OR52N1: variants seen among roughly 807,000 people sequenced by gnomAD.
OR52N1 encodes the protein olfactory receptor 52N1.
A neutral mutation model predicts 13.9 loss-of-function variants in OR52N1; 11 were observed. The observed-to-expected ratio is 0.79, with a 90% CI of 0.50 to 1.31. OR52N1 has a LOEUF of 1.31. Among genes scored for constraint, OR52N1 ranks in the 40% most tolerant of loss-of-function variants. The pLI is 0.00. For synonymous variants in OR52N1, 142 were observed against 143.7 expected (o/e 0.99, Z 0.08); for missense variants, 414 against 397.7 (o/e 1.04, Z -0.35).
In OR52N1 at chr11:5,788,083, G is replaced by T; in HGVS notation, c.734C>A (p.Ala245Asp). The T allele has an allele frequency of 6.2e-7, 1 of 1,613,808 alleles. No homozygotes were observed. The highest frequency in any genetic ancestry group is 8.5e-7 in the Non-Finnish European group (1 of 1,179,778). The change falls in exon 2 of 2, where the codon GCC becomes GAC. Residue 245 changes from alanine to aspartate, a missense_variant. Coordinates refer to ENST00000641645, the MANE Select transcript of OR52N1 (RefSeq NM_001001913.2). ...GGTGAGGACTATGGCACAGAAGTGG[G>T]CAGTGCAGGTGCTGAAGGCCTTCTG... ...ARQKAFSTCT[A>D]HFCAIVLTYV...
chr11:5,788,425 G>C lies in OR52N1; in HGVS notation c.392C>G (p.Pro131Arg), dbSNP rs199876263. Residue 131 changes from proline to arginine, a missense_variant, in exon 2 of 2, where the codon CCT becomes CGT. Transcript: ENST00000641645. Reference sequence around the variant, plus strand: ...AGTGAGGATGGTGGCATAACGCAGAGGGAAGCAGATGGCCACACAGTGGTC... The same window carrying C: ...AGTGAGGATGGTGGCATAACGCAGACGGAAGCAGATGGCCACACAGTGGTC... ...ALDHCVAICF[P>R]LRYATILTNS... 1.0e-4 allele frequency: 163 copies of C among 1,614,066 alleles called. 1 individual carries two copies. The Middle Eastern group carries it at 1.2e-3, about 11-fold the overall frequency.
intron 1 of OR52N1, among the ~76,000 whole-genome samples, chr11:5,789,465 C>T (rs969342342): frequency 1.1e-4 from 17 of 152,108 alleles, no homozygotes; most frequent in South Asian, 4.2e-4. Flanking sequence ...CAGCAAAAGA[C>T]CACTTGTTTT....
chr11:5,787,821 C>A lies in OR52N1; in HGVS notation c.*33G>T. On this transcript the variant is annotated 3_prime_UTR_variant, in exon 2 of 2. Transcript: ENST00000641645. Reference sequence around the variant, plus strand: ...TCCCTATTGACTTGGTGATCTCAACCTGGCTAAGAAAATTCTAACATCTCA... The same window carrying A: ...TCCCTATTGACTTGGTGATCTCAACATGGCTAAGAAAATTCTAACATCTCA... 7.0e-7 allele frequency: 1 copy of A among 1,438,796 alleles called. No homozygotes were observed. Among genetic ancestry groups the A allele is most frequent in the Non-Finnish European group, 9.3e-7 (1 of 1,074,380 alleles). 89.1% of individuals were successfully genotyped at this position (1,438,796 alleles called of 1,614,324 possible). A position where few individuals can be genotyped will look rare whatever the true frequency, so the allele number is the denominator to read the frequency against.
At position 5,787,258 on chromosome 11, in the gene OR52N1, G is replaced by T; in HGVS notation, c.*596C>A. The stretch of plus-strand genomic sequence containing the variant: ...TTTCACCTAATACTATATTTGAATA[G>T]ACCACAATTATTTATTTATGTTGTC... On this transcript the variant is annotated 3_prime_UTR_variant, in exon 2 of 2. Transcript: ENST00000641645. 1 of 140,560 alleles carries T rather than the reference G, an allele frequency of 7.1e-6. No homozygotes were observed. The highest frequency in any genetic ancestry group is 2.3e-4 in the South Asian group (1 of 4,342). The allele number at this position is 140,560 out of a possible 1,614,324, so 8.7% of individuals were successfully genotyped here. A position where few individuals can be genotyped will look rare whatever the true frequency, so the allele number is the denominator to read the frequency against.
At chr11:5,788,974 T>C (rs1471570585) in intron 1 of OR52N1, 114 bp from the exon 2 acceptor site, 19 of 769,428 alleles carry the variant, frequency 2.5e-5, no homozygotes, top group East Asian at 2.2e-4. Context: ...ATTTGTTCTA[T>C]TATGTTTAAT....
rs1212794980 is a variant in OR52N1, at chr11:5,787,086, AGGTCAAGAACTAATCAAC to A, written c.*750_*767del. On this transcript the variant is annotated 3_prime_UTR_variant, in exon 2 of 2. Transcript: ENST00000641645. ...TTGATACACCCTGCAACTACCATCC[AGGTCAAGAACTAATCAAC>A]GGTGGTACCTCAGAAGCATCCCCCT... The A allele has an allele frequency of 7.1e-6, 1 of 140,026 alleles. No individual in the cohort carries two copies. The highest frequency in any genetic ancestry group is 1.6e-5 in the Non-Finnish European group (1 of 63,416). The allele number at this position is 140,026 out of a possible 1,614,324, so 8.7% of individuals were successfully genotyped here. A position where few individuals can be genotyped will look rare whatever the true frequency, so the allele number is the denominator to read the frequency against.
At position 5,788,692 on chromosome 11, in the gene OR52N1, G is replaced by C. The variant is rs773268875; in HGVS notation, c.125C>G (p.Thr42Arg). The C allele has an allele frequency of 1.2e-6, 2 of 1,613,938 alleles. No homozygotes were observed. The highest frequency in any genetic ancestry group is 2.2e-5 in the East Asian group (1 of 44,830). ...PLCTMYSIAI[T>R]GNFGLMYLIY... Reference sequence around the variant, plus strand: ...GAGGTACATAAGGCCGAAGTTCCCTGTAATAGCAATGCTGTACATGGTACA... The same window carrying C: ...GAGGTACATAAGGCCGAAGTTCCCTCTAATAGCAATGCTGTACATGGTACA... Residue 42 changes from threonine (T) to arginine (R), a missense_variant, in exon 2 of 2, where the codon ACA (threonine) becomes AGA (arginine). Thr to Arg is a moderately conservative substitution (Grantham distance 71). Coordinates refer to ENST00000641645, the MANE Select transcript of OR52N1 (RefSeq NM_001001913.2).
In OR52N1 at chr11:5,787,932, A is replaced by G; in HGVS notation, c.885T>C (p.Tyr295=). The change falls in exon 2 of 2, where the codon TAT becomes TAC. Residue 295 remains tyrosine, a synonymous_variant. Coordinates refer to ENST00000641645, the MANE Select transcript of OR52N1 (RefSeq NM_001001913.2). The part of the protein sequence containing the change: ...LMPPTMNPIV[Y]GVKTRQVRES... ...CTCGTACCTGCCTGGTTTTCACCCC[A>G]TACACAATAGGGTTCATTGTGGGAG... The G allele has an allele frequency of 6.6e-7, 1 of 1,518,658 alleles. No individual in the cohort carries two copies. Among genetic ancestry groups the G allele is most frequent in the African/African-American group, 1.4e-5 (1 of 70,182 alleles). 94.1% of individuals were successfully genotyped at this position (1,518,658 alleles called of 1,614,324 possible).
In OR52N1 at chr11:5,788,042, A is replaced by T. The variant is rs749016262; in HGVS notation, c.775T>A (p.Phe259Ile). The T allele has an allele frequency of 2.2e-5, 24 of 1,113,712 alleles. 5 individuals are homozygous for T. The South Asian group carries it at 3.6e-4, about 17-fold the overall frequency. 69.0% of individuals were successfully genotyped at this position (1,113,712 alleles called of 1,614,324 possible). A position where few individuals can be genotyped will look rare whatever the true frequency, so the allele number is the denominator to read the frequency against. The change falls in exon 2 of 2, where the codon TTT (phenylalanine) becomes ATT (isoleucine). Residue 259 changes from phenylalanine to isoleucine, a missense_variant. By Grantham distance (21) the Phe-to-Ile change is conservative. Transcript: ENST00000641645. Reference sequence around the variant, plus strand: ...CCAAAATGGTGTGTAAAGAAGGTAAAGAAGGCTGGAACATAGGTGAGGACT... The same window carrying T: ...CCAAAATGGTGTGTAAAGAAGGTAATGAAGGCTGGAACATAGGTGAGGACT... ...AIVLTYVPAFFTFFTHHFGGH... is the reference protein window; with the variant it reads ...AIVLTYVPAFITFFTHHFGGH...
At position 5,788,321 on chromosome 11, in the gene OR52N1, T is replaced by C; in HGVS notation, c.496A>G (p.Lys166Glu). The C allele has an allele frequency of 1.2e-6, 2 of 1,613,868 alleles. No individual in the cohort carries two copies. Among genetic ancestry groups the C allele is most frequent in the Non-Finnish European group, 1.7e-6 (2 of 1,179,952 alleles). ...MLVIPSTFLTKRLPYCKGNVI... is the reference protein window; with the variant it reads ...MLVIPSTFLTERLPYCKGNVI... The stretch of plus-strand genomic sequence containing the variant: ...TTGCCCTTGCAGTATGGAAGGCGCT[T>C]GGTGAGGAAAGTGGAAGGGATAACA... Residue 166 changes from lysine to glutamate, a missense_variant, in exon 2 of 2, where the codon AAG (lysine) becomes GAG (glutamate). Physicochemically the swap from Lys to Glu is moderately conservative, Grantham distance 56 (BLOSUM62 1). Coordinates refer to ENST00000641645, the MANE Select transcript of OR52N1 (RefSeq NM_001001913.2).
In OR52N1 at chr11:5,788,022, A is replaced by G; in HGVS notation, c.795T>C (p.His265=). Residue 265 remains histidine (H), a synonymous_variant, in exon 2 of 2, where the codon CAT becomes CAC. Coordinates refer to ENST00000641645, the MANE Select transcript of OR52N1 (RefSeq NM_001001913.2). ...GTAGAGGAATGGTGTGTCCCCCAAA[A>G]TGGTGTGTAAAGAAGGTAAAGAAGG... The part of the protein sequence containing the change: ...VPAFFTFFTH[H]FGGHTIPLHI... The G allele has an allele frequency of 6.4e-7, 1 of 1,554,554 alleles. No homozygotes were observed. The highest frequency in any genetic ancestry group is 8.8e-7 in the Non-Finnish European group (1 of 1,131,926).
Position 5,786,799 on chromosome 11 carries a change from G to A in OR52N1, c.*1055C>T. 2 of 138,714 alleles carry A rather than the reference G, an allele frequency of 1.4e-5. 1 individual carries two copies. The highest frequency in any genetic ancestry group is 4.2e-4 in the East Asian group (2 of 4,804). 8.6% of individuals were successfully genotyped at this position (138,714 alleles called of 1,614,324 possible). A position where few individuals can be genotyped will look rare whatever the true frequency, so the allele number is the denominator to read the frequency against. ...AGTTTAATTTTTTTATGATGATGTT[G>A]TCTTTGTTGTTTTATTATGATTTGT... is the stretch of plus-strand genomic sequence containing the variant. On this transcript the variant is annotated 3_prime_UTR_variant, in exon 2 of 2. Coordinates refer to ENST00000641645, the MANE Select transcript of OR52N1 (RefSeq NM_001001913.2).
Position 5,787,961 on chromosome 11 carries a change from T to C in OR52N1, c.856A>G (p.Met286Val), listed in dbSNP as rs1481029486. The C allele has an allele frequency of 6.5e-7, 1 of 1,531,626 alleles. No individual in the cohort carries two copies. The highest frequency in any genetic ancestry group is 1.1e-5 in the South Asian group (1 of 87,886). The allele number at this position is 1,531,626 out of a possible 1,614,324, so 94.9% of individuals were successfully genotyped here. ...HIIMANLYLLMPPTMNPIVYG... is the reference protein window; with the variant it reads ...HIIMANLYLLVPPTMNPIVYG... ...ACAATAGGGTTCATTGTGGGAGGCA[T>C]TAGTAGGTAGAGATTAGCCATAATA... Residue 286 changes from methionine to valine, a missense_variant, in exon 2 of 2, where the codon ATG becomes GTG. Met to Val is a conservative substitution (Grantham distance 21, BLOSUM62 1). Transcript: ENST00000641645.
intron 1 of OR52N1, among the ~76,000 whole-genome samples, chr11:5,790,224 T>C (rs1229313215): frequency 6.6e-6 from 1 of 152,092 alleles, no homozygotes; most frequent in Non-Finnish European, 1.5e-5. Context: ...TTTTATAAAA[T>C]TTTTATGTCC....
chr11:5,790,756 G>T (rs1005236781), intron 1 of OR52N1, among the ~76,000 whole-genome samples: 1 of 152,086 alleles, frequency 6.6e-6, no homozygotes, highest in African/African-American at 2.4e-5. Context: ...TCTGAGATGT[G>T]TCTGTTCATA....
rs796900813 is a variant in OR52N1, at chr11:5,789,074, A to ATCTGGGG, written c.-44-221_-44-215dup. On this transcript the variant is annotated intron_variant, in intron 1 of 1. Transcript: ENST00000641645. ...CTAGTCAGTACATTTGGACCTGAAT[A>ATCTGGGG]TCTGGGGTCTTTGTTATCATGTAGT... is the stretch of plus-strand genomic sequence containing the variant. Among the ~76,000 whole-genome samples the ATCTGGGG allele has an allele frequency of 1.4e-4, 22 of 152,284 alleles. No individual in the cohort carries two copies. The East Asian group carries it at 3.5e-3, about 24-fold the overall frequency.
Position 5,788,611 on chromosome 11 carries a change from G to C in OR52N1, c.206C>G (p.Ser69Cys), listed in dbSNP as rs1403316614. 5 of 1,613,932 alleles carry C rather than the reference G, an allele frequency of 3.1e-6. No homozygotes were observed. Among genetic ancestry groups the C allele is most frequent in the Non-Finnish European group, 4.2e-6 (5 of 1,179,982 alleles). Residue 69 changes from serine to cysteine, a missense_variant, in exon 2 of 2, where the codon TCC becomes TGC. Coordinates refer to ENST00000641645, the MANE Select transcript of OR52N1 (RefSeq NM_001001913.2). ...RPMYVFLALL[S>C]FTDVLMCTST... ...GGTGCACATGAGCACATCTGTGAAG[G>C]AAAGAAGGGCAAGGAAGACATACAT... is the stretch of plus-strand genomic sequence containing the variant.
At position 5,786,861 on chromosome 11, in the gene OR52N1, T is replaced by C. The variant is rs1411322958; in HGVS notation, c.*993A>G. Reference sequence around the variant, plus strand: ...CATATTATTTATGCTAAAGTTAACATACTTCTGAAAGAAAAGAAAGTATAT... The same window carrying C: ...CATATTATTTATGCTAAAGTTAACACACTTCTGAAAGAAAAGAAAGTATAT... On this transcript the variant is annotated 3_prime_UTR_variant, in exon 2 of 2. Transcript: ENST00000641645. 7.2e-6 allele frequency: 1 copy of C among 139,658 alleles called. No individual in the cohort carries two copies. The highest frequency in any genetic ancestry group is 2.6e-5 in the African/African-American group (1 of 37,764). The allele number at this position is 139,658 out of a possible 1,614,324, so 8.7% of individuals were successfully genotyped here.
rs752620306 is a variant in OR52N1, at chr11:5,788,316, G to A, written c.501C>T (p.Arg167=). ...TGACGTTGCCCTTGCAGTATGGAAG[G>A]CGCTTGGTGAGGAAAGTGGAAGGGA... The part of the protein sequence containing the change: ...LVIPSTFLTK[R]LPYCKGNVIP... Residue 167 remains arginine (R), a synonymous_variant, in exon 2 of 2, where the codon CGC becomes CGT. Transcript: ENST00000641645. 14 of 1,613,890 alleles carry A rather than the reference G, an allele frequency of 8.7e-6. No homozygotes were observed. The highest frequency in any genetic ancestry group is 1.2e-5 in the Non-Finnish European group (14 of 1,179,984).
Sources: allele counts gnomAD v4.1 joint callset (sites outside exome capture counted in the v4.1 genomes callset), GRCh38; gene constraint gnomAD v4.1.1; transcripts MANE v1.5; gene names NCBI Gene and HGNC (gene_info 2026-07-23, HGNC 2026-07-21).